The following NDE1 variants were observed in gnomAD, a reference collection of about 807,000 sequenced individuals.
NDE1 encodes nuclear distribution protein nudE homolog 1.
In NDE1, 28 loss-of-function variants were observed where a neutral mutation model predicts 43.4. That is an observed-to-expected ratio of 0.65 (90% CI 0.48 to 0.89). The LOEUF is 0.89. Among genes scored for constraint, NDE1 ranks in the 40% least tolerant of loss-of-function variants. The probability of loss-of-function intolerance (pLI) is 0.00; values close to 1 mark genes in which losing one functional copy is unlikely to be tolerated. For missense variants in NDE1, 441 were observed against 434.1 expected (o/e 1.02, Z -0.14); for synonymous variants, 184 against 172.0 (o/e 1.07, Z -0.55).
At chr16:15,658,169 T>TTTCAGGCTTACCTCCGGC (rs1413895370) in intron 1 of NDE1, among the ~76,000 whole-genome samples, 19 of 152,168 alleles carry the variant, frequency 1.2e-4, no homozygotes, top group Admixed American at 1.2e-3. Flanking sequence ...CCACCGGCAG[T>TTTCAGGCTTACCTCCGGC]TTCAGGCTTA....
At chr16:15,717,099 A>AC (rs550078773) in intron 8 of NDE1, 451 of 1,600,478 alleles carry the variant, frequency 2.8e-4, no homozygotes, top group Non-Finnish European at 3.8e-4. Flanking sequence ...GCTGTCCATC[A>AC]CCCCCCTGCA....
rs770035211 is a variant in NDE1 at position 15,691,138 on chromosome 16, G to A, written c.524-6G>A. The A allele has an allele frequency of 5.3e-5, 86 of 1,613,872 alleles. No homozygotes were observed. Among genetic ancestry groups the A allele is most frequent in the Non-Finnish European group, 7.0e-5 (83 of 1,180,008 alleles). On this transcript the variant is annotated splice_polypyrimidine_tract_variant and splice_region_variant and intron_variant, in intron 5 of 8. Coordinates refer to ENST00000396354, the MANE Select transcript of NDE1 (RefSeq NM_017668.3). The stretch of plus-strand genomic sequence containing the variant: ...CTTGAATTCCTGAATCCTTTTTCTG[G>A]CACAGATTTGCGGCAGGAACTGGCC...
In NDE1 at chr16:15,715,179, C is replaced by T. The variant is rs767282515; in HGVS notation, c.948-9012C>T. On this transcript the variant is annotated intron_variant, in intron 8 of 8. Coordinates refer to ENST00000396354, the MANE Select transcript of NDE1 (RefSeq NM_017668.3). ...CAGGGGCTACCTGCTCCTTGTACTGCTCGGCCATCTTGCGCTCGTCCTCCA... is the reference window on the plus strand; with the variant it reads ...CAGGGGCTACCTGCTCCTTGTACTGTTCGGCCATCTTGCGCTCGTCCTCCA... 2.5e-6 allele frequency: 4 copies of T among 1,613,860 alleles called. No homozygotes were observed. In the South Asian group the frequency reaches 4.4e-5, roughly 18 times the overall value.
intron 5 of NDE1, 136 bp downstream of exon 5, chr16:15,687,647 G>T (rs531948569): frequency 3.1e-5 from 27 of 872,754 alleles, no homozygotes; most frequent in Non-Finnish European, 4.6e-5. Context: ...CTAATCAGAG[G>T]GTGTCGGACT....
intron 8 of NDE1, among the ~76,000 whole-genome samples, chr16:15,712,370 GGCCGT>G (rs2039851625): frequency 1.3e-5 from 2 of 152,136 alleles, no homozygotes; most frequent in Admixed American, 1.3e-4. Context: ...AAACAACTAA[GGCCGT>G]GCAGTGGTCC....
At chr16:15,707,017 C>T (rs773587581) in intron 8 of NDE1, among the ~76,000 whole-genome samples, 1 of 152,094 alleles carries the variant, frequency 6.6e-6, no homozygotes, top group Non-Finnish European at 1.5e-5. Context: ...TAAAGGTTTT[C>T]TTAAAGGGTC....
At chr16:15,707,896 C>T (rs1036046574) in intron 8 of NDE1, among the ~76,000 whole-genome samples, 1 of 150,508 alleles carries the variant, frequency 6.6e-6, no homozygotes, top group Admixed American at 6.7e-5. Flanking sequence ...CGCTTGAACC[C>T]AGGAGGCAAA....
At position 15,696,750 on chromosome 16, in the gene NDE1, C is replaced by T. The variant is rs17283846; in HGVS notation, c.837C>T (p.Tyr279=). ...SKLASCRNLV[Y]DQSPNRTGGP... is the part of the protein sequence containing the mutation. ...TCGCTTCCTGCCGGAACCTCGTGTA[C>T]GATCAGTCCCCAAACCGAACAGGTG... The change falls in exon 8 of 9, where the codon TAC becomes TAT. Residue 279 remains tyrosine, a synonymous_variant. Coordinates refer to ENST00000396354, the MANE Select transcript of NDE1 (RefSeq NM_017668.3). The T allele has an allele frequency of 0.035, 56,936 of 1,614,186 alleles. 1,129 individuals are homozygous for T. Among genetic ancestry groups the T allele is most frequent in the Non-Finnish European group, 0.041 (48,721 of 1,180,028 alleles).
Position 15,687,416 on chromosome 16 carries a change from A to G in NDE1, c.428A>G (p.Asn143Ser). The G allele has an allele frequency of 6.2e-7, 1 of 1,614,196 alleles. No homozygotes were observed. The highest frequency in any genetic ancestry group is 8.5e-7 in the Non-Finnish European group (1 of 1,180,036). The change falls in exon 5 of 9, where the codon AAT (asparagine) becomes AGT (serine). Residue 143 changes from asparagine (N) to serine (S), a missense_variant. Transcript: ENST00000396354. ...CTCGAAGACTTTGAGCAGCGCTTGA[A>G]TCAGGCCATCGAAAGAAATGCCTTC... The part of the protein sequence containing the change: ...MSLEDFEQRL[N>S]QAIERNAFLE...
intron 8 of NDE1, among the ~76,000 whole-genome samples, chr16:15,706,974 A>G (rs554888667): frequency 3.9e-5 from 6 of 152,318 alleles, no homozygotes; most frequent in African/African-American, 1.4e-4. Context: ...GTTGACACCA[A>G]CTATACCTGT....
At chr16:15,702,844 C>T (rs1442886799) in intron 8 of NDE1, among the ~76,000 whole-genome samples, 2 of 152,140 alleles carry the variant, frequency 1.3e-5, no homozygotes, top group African/African-American at 4.8e-5. Flanking sequence ...CAGTCATGTT[C>T]GAGGGCAGGG....
intron 3 of NDE1, among the ~76,000 whole-genome samples, chr16:15,671,386 T>C (rs2037584505): frequency 6.6e-6 from 1 of 152,138 alleles, no homozygotes; most frequent in Non-Finnish European, 1.5e-5. Context: ...AGTGCACACC[T>C]GTAGTCTAAG....
At chr16:15,645,837 C>G (rs377580156), upstream of NDE1, among the ~76,000 whole-genome samples, 1 of 152,212 alleles carries the variant, frequency 6.6e-6, no homozygotes, top group East Asian at 1.9e-4. Flanking sequence ...TTTCAACTAA[C>G]CAAGCTGTTA....
At chr16:15,694,106 T>C in intron 6 of NDE1, 59 bp from the exon 7 acceptor site, 1 of 1,594,310 alleles carries the variant, frequency 6.3e-7, no homozygotes, top group Non-Finnish European at 8.6e-7. Flanking sequence ...CTAGCGATGT[T>C]AACGCACAGA....
upstream of NDE1, among the ~76,000 whole-genome samples, chr16:15,648,470 C>G (rs2036375741): frequency 6.6e-6 from 1 of 152,194 alleles, no homozygotes. Context: ...GATGAAGTCT[C>G]CCTCTGTCTC....
intron 8 of NDE1, among the ~76,000 whole-genome samples, chr16:15,705,100 A>G (rs1163932191): frequency 1.3e-5 from 2 of 152,098 alleles, no homozygotes; most frequent in African/African-American, 4.8e-5. Flanking sequence ...GAGCCTCAGT[A>G]TTGAGTAGCT....
intron 7 of NDE1, 130 bp from the exon 8 acceptor site, chr16:15,696,578 GT>G: frequency 6.5e-7 from 1 of 1,540,410 alleles, no homozygotes; most frequent in Non-Finnish European, 8.8e-7. Flanking sequence ...TCCTCTTGGG[GT>G]CCCACCTTGG....
intron 6 of NDE1, among the ~76,000 whole-genome samples, 181 bp downstream of exon 6, chr16:15,691,504 T>G (rs534697120): frequency 5.3e-4 from 80 of 152,050 alleles, no homozygotes; most frequent in Admixed American, 1.6e-3. Flanking sequence ...CAGTGAGGAC[T>G]GGGTAAGAGG....
intron 1 of NDE1, among the ~76,000 whole-genome samples, chr16:15,657,023 C>T (rs936663331): frequency 5.3e-5 from 8 of 152,082 alleles, no homozygotes; most frequent in Non-Finnish European, 8.8e-5. Context: ...TCCTCACTTC[C>T]GCACTTTATT....
Sources: gnomAD v4.1 joint callset for allele counts (sites outside exome capture counted in the v4.1 genomes callset) on GRCh38, gnomAD v4.1.1 for gene constraint, MANE v1.5 for transcripts, NCBI Gene and HGNC (gene_info 2026-07-23, HGNC 2026-07-21) for gene names.